The following CTNND2 variants were observed in gnomAD, a reference collection of about 807,000 sequenced individuals.
CTNND2 encodes the protein catenin delta-2.
Under a neutral mutation model 144.4 loss-of-function variants are expected in CTNND2, and 22 were observed. The observed-to-expected ratio is 0.15, with a 90% CI of 0.11 to 0.22. The LOEUF is 0.22. CTNND2 is among the 10% of genes least tolerant of loss of function. The pLI is 1.00. For missense variants in CTNND2, 1,353 were observed against 1,618.8 expected, an observed-to-expected ratio of 0.84 and a Z score of 2.82; for synonymous variants, 751 against 695.6, an observed-to-expected ratio of 1.08 and a Z score of -1.25.
intron 2 of CTNND2, among the ~76,000 whole-genome samples, chr5:11,575,720 T>C (rs1279179062): frequency 1.3e-5 from 2 of 152,180 alleles, no homozygotes; most frequent in African/African-American, 2.4e-5. Flanking sequence ...GTTGGTCTCC[T>C]GTTCCTTCCC....
At chr5:11,283,041 C>G (rs1018904078) in intron 9 of CTNND2, among the ~76,000 whole-genome samples, 1 of 152,150 alleles carries the variant, frequency 6.6e-6, no homozygotes, top group African/African-American at 2.4e-5. Flanking sequence ...CCTCAATAGC[C>G]AGTCTTACAA....
rs187834780 is a variant in CTNND2, at chr5:11,862,731, G to A, written c.37+41086C>T. Among the ~76,000 whole-genome samples, 45 of 152,142 alleles carry A rather than the reference G, an allele frequency of 3.0e-4. 1 individual carries two copies. The East Asian group carries it at 7.9e-3, about 27-fold the overall frequency. ...ATAATTATTAGAACATTGTTTCTTG[G>A]CTATACGACAATTTATCTCCTTTGA... is the stretch of plus-strand genomic sequence containing the variant. On this transcript the variant is annotated intron_variant, in intron 1 of 21. Coordinates refer to ENST00000304623, the MANE Select transcript of CTNND2 (RefSeq NM_001332.4).
At chr5:11,294,560 A>G (rs564510199) in intron 9 of CTNND2, among the ~76,000 whole-genome samples, 2 of 152,188 alleles carry the variant, frequency 1.3e-5, no homozygotes, top group Non-Finnish European at 2.9e-5. Context: ...CTTACATCCA[A>G]CACTTTAAGC....
intron 12 of CTNND2, among the ~76,000 whole-genome samples, chr5:11,155,801 C>A (rs1580440820): frequency 1.3e-5 from 2 of 152,110 alleles, no homozygotes; most frequent in South Asian, 4.1e-4. Flanking sequence ...TTTAAAAATT[C>A]AATTTCTTGT....
At chr5:11,361,427 A>C (rs1267389192) in intron 8 of CTNND2, among the ~76,000 whole-genome samples, 2 of 152,200 alleles carry the variant, frequency 1.3e-5, no homozygotes, top group Non-Finnish European at 2.9e-5. Context: ...AAGTGTTGAA[A>C]TGATAGGTGT....
intron 11 of CTNND2, among the ~76,000 whole-genome samples, chr5:11,197,406 G>A (rs566065275): frequency 2.0e-5 from 3 of 152,318 alleles, no homozygotes; most frequent in African/African-American, 7.2e-5. Flanking sequence ...CAGACAGAGA[G>A]CCTCAAACCC....
At chr5:11,829,325 T>C (rs563051506) in intron 1 of CTNND2, among the ~76,000 whole-genome samples, 1 of 152,242 alleles carries the variant, frequency 6.6e-6, no homozygotes, top group South Asian at 2.1e-4. Flanking sequence ...CTCCAGGGAA[T>C]GCCAGAGGTC....
chr5:10,977,668 G>C (rs938943057), intron 21 of CTNND2, among the ~76,000 whole-genome samples: 1 of 152,136 alleles, frequency 6.6e-6, no homozygotes, highest in Admixed American at 6.5e-5. Flanking sequence ...GCCCAAGCTG[G>C]TCTTGAACTC....
At position 11,903,731 on chromosome 5, in the gene CTNND2, G is replaced by C. The variant is rs1212643136; in HGVS notation, c.37+86C>G. The C allele has an allele frequency of 7.3e-6, 10 of 1,376,852 alleles. No homozygotes were observed. The highest frequency in any genetic ancestry group is 1.5e-5 in the African/African-American group (1 of 65,782). The allele number at this position is 1,376,852 out of a possible 1,614,324, so 85.3% of individuals were successfully genotyped here. ...CCGCCGCCTGCCGGCCGGGAGCCCA[G>C]GACCACCCCCACCAGCGGCAAGAGG... On this transcript the variant is annotated intron_variant, in intron 1 of 21. Transcript: ENST00000304623. This position sits in a 1 kb window ranked among gnomAD's most constrained non-coding sequence, Gnocchi z 5.4.
chr5:11,171,225 G>A (rs546775109), intron 11 of CTNND2, among the ~76,000 whole-genome samples: 148 of 152,214 alleles, frequency 9.7e-4, no homozygotes, highest in African/African-American at 3.3e-3. Flanking sequence ...TAGAAGAGGG[G>A]TACTGATCTG....
chr5:11,392,173 A>C (rs1361450460), intron 6 of CTNND2, among the ~76,000 whole-genome samples: 1 of 152,206 alleles, frequency 6.6e-6, no homozygotes, highest in East Asian at 1.9e-4. Flanking sequence ...TCTCTAAGTC[A>C]CAAGTGCAAA....
At chr5:11,241,171 G>C (rs1634328) in intron 9 of CTNND2, among the ~76,000 whole-genome samples, 4 of 148,866 alleles carry the variant, frequency 2.7e-5, no homozygotes, top group East Asian at 3.9e-4. Flanking sequence ...AACACACACA[G>C]ACACACACAG....
At chr5:11,591,599 T>C (rs935485596) in intron 2 of CTNND2, among the ~76,000 whole-genome samples, 3 of 152,034 alleles carry the variant, frequency 2.0e-5, no homozygotes, top group African/African-American at 7.2e-5. Flanking sequence ...ACTCCTTTCA[T>C]GCCTCCTGTG....
At chr5:11,494,386 T>C (rs1026833480) in intron 3 of CTNND2, among the ~76,000 whole-genome samples, 1 of 152,074 alleles carries the variant, frequency 6.6e-6, no homozygotes, top group Non-Finnish European at 1.5e-5. Context: ...CATTCGTCTG[T>C]TTACAAAAAA....
chr5:11,896,287 T>G (rs1323387291), intron 1 of CTNND2, among the ~76,000 whole-genome samples: 1 of 152,144 alleles, frequency 6.6e-6, no homozygotes, highest in East Asian at 1.9e-4. Context: ...AAACAGAATA[T>G]GAGCAATGTT....
At chr5:11,064,989 T>C (rs1747405400) in intron 16 of CTNND2, among the ~76,000 whole-genome samples, 1 of 152,114 alleles carries the variant, frequency 6.6e-6, no homozygotes, top group Non-Finnish European at 1.5e-5. Flanking sequence ...GGAGGGGTGG[T>C]TGTGGTTGTT....
chr5:11,188,572 A>T (rs1460061674), intron 11 of CTNND2, among the ~76,000 whole-genome samples: 1 of 152,202 alleles, frequency 6.6e-6, no homozygotes, highest in Non-Finnish European at 1.5e-5. Context: ...TACCTGTTTA[A>T]CAAACTGCAC....
At chr5:11,076,385 A>T (rs149977705) in intron 16 of CTNND2, among the ~76,000 whole-genome samples, 1 of 152,376 alleles carries the variant, frequency 6.6e-6, no homozygotes, top group African/African-American at 2.4e-5. Flanking sequence ...CATCTACACC[A>T]GGAACTGTCC....
chr5:11,325,847 TC>T (rs200986784), intron 9 of CTNND2, among the ~76,000 whole-genome samples: 2,496 of 152,264 alleles, frequency 0.016, 27 homozygotes, highest in South Asian at 0.028. Flanking sequence ...TGGCCAGCAT[TC>T]CTTCAACATA....
Sources: allele counts gnomAD v4.1 joint callset (sites outside exome capture counted in the v4.1 genomes callset), GRCh38; gene constraint gnomAD v4.1.1; non-coding constraint Gnocchi (gnomAD v3.1); transcripts MANE v1.5; gene names NCBI Gene and HGNC (gene_info 2026-07-23, HGNC 2026-07-21).